Variants in PPFIA2 observed in about 807,000 individuals in gnomAD.
PPFIA2 encodes the protein PPFI scaffold protein A2.
In PPFIA2, 46 loss-of-function variants were observed where a neutral mutation model predicts 175.5. The observed-to-expected ratio is 0.26, with a 90% confidence interval of 0.21 to 0.34. The LOEUF is 0.34. PPFIA2 is among the 10% of genes least tolerant of loss of function. The probability of loss-of-function intolerance (pLI) is 1.00; values close to 1 mark genes in which losing one functional copy is unlikely to be tolerated. For missense variants in PPFIA2, 1,179 were observed against 1,506.1 expected, an observed-to-expected ratio of 0.78 and a Z score of 3.60; for synonymous variants, 568 against 511.4, an observed-to-expected ratio of 1.11 and a Z score of -1.49.
At chr12:81,736,421 T>G (rs2081584213) in intron 3 of PPFIA2, among the ~76,000 whole-genome samples, 1 of 152,034 alleles carries the variant, frequency 6.6e-6, no homozygotes, top group Non-Finnish European at 1.5e-5. Context: ...CTGAATTGGT[T>G]TATTCATTCT....
At chr12:81,469,345 T>C (rs1345174686) in intron 4 of PPFIA2, among the ~76,000 whole-genome samples, 7 of 152,202 alleles carry the variant, frequency 4.6e-5, no homozygotes, top group Non-Finnish European at 1.0e-4. Flanking sequence ...CAATACAATG[T>C]GTACAATGGT....
Position 81,457,816 on chromosome 12 carries a change from T to G in PPFIA2, c.354A>C (p.Leu118=). 1.2e-6 allele frequency: 2 copies of G among 1,611,236 alleles called. No individual in the cohort carries two copies. The highest frequency in any genetic ancestry group is 1.7e-4 in the Middle Eastern group (1 of 6,042). ...GTTCAGAGATTTCTTCTTCCTTTTCTAGAAGTTGTTCCCTGCAGGCATTTA... is the reference window on the plus strand; with the variant it reads ...GTTCAGAGATTTCTTCTTCCTTTTCGAGAAGTTGTTCCCTGCAGGCATTTA... ...KELNACREQL[L]EKEEEISELK... The change falls in exon 5 of 33, where the codon CTA becomes CTC. Residue 118 remains leucine (L), a synonymous_variant. Transcript: ENST00000549396.
intron 4 of PPFIA2, among the ~76,000 whole-genome samples, chr12:81,500,841 T>C (rs1339803512): frequency 6.6e-6 from 1 of 152,212 alleles, no homozygotes; most frequent in East Asian, 1.9e-4. Context: ...TTAACCCTGA[T>C]TTCTCAGCAG....
At chr12:81,338,985 A>C (rs2057582996) in intron 21 of PPFIA2, among the ~76,000 whole-genome samples, 195 bp downstream of exon 21, 1 of 152,180 alleles carries the variant, frequency 6.6e-6, no homozygotes, top group South Asian at 2.1e-4. Flanking sequence ...AAAAGTTCAC[A>C]ATACCCTTTC....
At chr12:81,552,588 G>T (rs142577361) in intron 4 of PPFIA2, among the ~76,000 whole-genome samples, 1 of 151,792 alleles carries the variant, frequency 6.6e-6, no homozygotes, top group African/African-American at 2.4e-5. Context: ...TTATATGTTT[G>T]AACAATATAA....
intron 4 of PPFIA2, among the ~76,000 whole-genome samples, chr12:81,640,542 A>G (rs551296875): frequency 5.3e-5 from 8 of 152,182 alleles, no homozygotes; most frequent in Admixed American, 2.0e-4. Context: ...CTTTTCAACT[A>G]TCTTCTTGAT....
At chr12:81,468,320 C>T (rs2056104183) in intron 4 of PPFIA2, among the ~76,000 whole-genome samples, 1 of 152,136 alleles carries the variant, frequency 6.6e-6, no homozygotes, top group Admixed American at 6.6e-5. Context: ...TGCATTTGTA[C>T]ATTTATTAAA....
At chr12:81,625,277 A>G (rs1238930507) in intron 4 of PPFIA2, among the ~76,000 whole-genome samples, 1 of 151,808 alleles carries the variant, frequency 6.6e-6, no homozygotes, top group African/African-American at 2.4e-5. Flanking sequence ...ATGTACTTAC[A>G]CACTTTAAAT....
chr12:81,758,871 C>T (rs937095616), intron 1 of PPFIA2, among the ~76,000 whole-genome samples: 3 of 151,760 alleles, frequency 2.0e-5, no homozygotes, highest in Non-Finnish European at 2.9e-5. Flanking sequence ...CCTCCGCGCC[C>T]GGGCCACCCG....
chr12:81,328,970 G>A (rs747840021), intron 21 of PPFIA2, among the ~76,000 whole-genome samples: 1 of 151,772 alleles, frequency 6.6e-6, no homozygotes, highest in South Asian at 2.1e-4. Context: ...TGCCCGGCTA[G>A]TTTTTCTATT....
chr12:81,352,116 A>T (rs996000998), intron 17 of PPFIA2, among the ~76,000 whole-genome samples: 3 of 152,072 alleles, frequency 2.0e-5, no homozygotes, highest in African/African-American at 7.2e-5. Flanking sequence ...TTCAATTCAT[A>T]GGCCGAAGCT....
intron 5 of PPFIA2, among the ~76,000 whole-genome samples, chr12:81,449,335 T>G (rs139060055): frequency 5.1e-4 from 78 of 152,278 alleles, no homozygotes; most frequent in African/African-American, 1.7e-3. Flanking sequence ...TATCAAATAC[T>G]TTTTATTAAA....
At chr12:81,753,553 C>T (rs186567908) in intron 3 of PPFIA2, among the ~76,000 whole-genome samples, 15 of 148,226 alleles carry the variant, frequency 1.0e-4, no homozygotes, top group African/African-American at 3.0e-4. Flanking sequence ...TAGTTGGACA[C>T]GAGACTTCCA....
At chr12:81,695,240 T>C (rs751194960) in intron 3 of PPFIA2, among the ~76,000 whole-genome samples, 1 of 152,106 alleles carries the variant, frequency 6.6e-6, no homozygotes, top group Non-Finnish European at 1.5e-5. Context: ...TAAAATGATA[T>C]AGTTTGAATA....
rs2065849316 is a variant in PPFIA2, at chr12:81,644,918, T to C, written c.303+31873A>G. On this transcript the variant is annotated intron_variant, in intron 4 of 32. Transcript: ENST00000549396. ...AACATTTTGGTAGCAATTTCAGTTATTAAGAATTTAGAGGTTTTAAAAGTT... is the reference window on the plus strand; with the variant it reads ...AACATTTTGGTAGCAATTTCAGTTACTAAGAATTTAGAGGTTTTAAAAGTT... Among the ~76,000 whole-genome samples the C allele has an allele frequency of 2.6e-5, 4 of 152,254 alleles. No individual in the cohort carries two copies. In the South Asian group the frequency reaches 8.3e-4, roughly 32 times the overall value.
chr12:81,440,875 T>C (rs1387977679), intron 6 of PPFIA2, among the ~76,000 whole-genome samples: 1 of 150,506 alleles, frequency 6.6e-6, no homozygotes, highest in Non-Finnish European at 1.5e-5. Context: ...TTAAAATGAA[T>C]GACTATAGCA....
intron 4 of PPFIA2, among the ~76,000 whole-genome samples, chr12:81,530,515 G>T (rs185098923): frequency 3.3e-5 from 5 of 152,032 alleles, no homozygotes; most frequent in African/African-American, 1.2e-4. Flanking sequence ...GCAAGATGCA[G>T]TAGAGCAACT....
At chr12:81,429,185 A>G (rs1395335995) in intron 7 of PPFIA2, among the ~76,000 whole-genome samples, 1 of 152,082 alleles carries the variant, frequency 6.6e-6, no homozygotes, top group East Asian at 1.9e-4. Flanking sequence ...AATCATTTTT[A>G]TAAAGCAGTG....
chr12:81,731,122 AC>A (rs1478374946), intron 3 of PPFIA2, among the ~76,000 whole-genome samples: 1 of 151,554 alleles, frequency 6.6e-6, no homozygotes, highest in Non-Finnish European at 1.5e-5. Context: ...CTCAGTTGAA[AC>A]TCACAGCCTT....
Sources: allele counts gnomAD v4.1 joint callset (sites outside exome capture counted in the v4.1 genomes callset), GRCh38; gene constraint gnomAD v4.1.1; transcripts MANE v1.5; gene names NCBI Gene and HGNC (gene_info 2026-07-23, HGNC 2026-07-21).